Variants in FAM24B observed in about 807,000 individuals in gnomAD.
FAM24B encodes the protein protein FAM24B.
In FAM24B, 3 loss-of-function variants were observed where a neutral mutation model predicts 2.3. That is an observed-to-expected ratio of 1.29 (90% CI 0.59 to 3.32). The LOEUF is 3.32. Among genes scored for constraint, FAM24B ranks in the 30% most tolerant of loss-of-function variants. The pLI, the probability that FAM24B is intolerant of heterozygous loss-of-function variation, is 0.03. For synonymous variants in FAM24B, 36 were observed against 46.3 expected, an observed-to-expected ratio of 0.78 and a Z score of 0.90; for missense variants, 98 against 117.2, an observed-to-expected ratio of 0.84 and a Z score of 0.76.
chr10:122,857,150 A>G (rs539467352), intron 1 of FAM24B, among the ~76,000 whole-genome samples: 62 of 152,150 alleles, frequency 4.1e-4, no homozygotes, highest in Non-Finnish European at 4.4e-4. Flanking sequence ...CTGATGCTCC[A>G]CCCACCTTTA....
chr10:122,862,255 T>C (rs575574715), intron 1 of FAM24B, among the ~76,000 whole-genome samples: 2 of 152,218 alleles, frequency 1.3e-5, no homozygotes, highest in African/African-American at 4.8e-5. Flanking sequence ...CCTTGTTTAA[T>C]TAGATTCTAA....
intron 1 of FAM24B, among the ~76,000 whole-genome samples, chr10:122,871,837 G>T (rs1847903087): frequency 1.3e-5 from 2 of 152,044 alleles, no homozygotes; most frequent in South Asian, 4.1e-4. Context: ...AAAAACCCTA[G>T]AAGAAAACCT....
intron 2 of FAM24B, 64 bp from the exon 3 acceptor site, chr10:122,850,614 G>A: frequency 1.2e-6 from 1 of 807,062 alleles, no homozygotes; most frequent in Admixed American, 1.8e-5. Context: ...CAACCACTAA[G>A]CAATGCCAAT....
At chr10:122,849,493 T>C in intron 3 of FAM24B, 54 bp from the exon 4 acceptor site, 1 of 1,516,658 alleles carries the variant, frequency 6.6e-7, no homozygotes, top group Non-Finnish European at 8.9e-7. Context: ...TCTCAGCCCT[T>C]TTGTTAGAAC....
intron 1 of FAM24B, among the ~76,000 whole-genome samples, chr10:122,869,402 A>T (rs1183794652): frequency 6.6e-6 from 1 of 152,232 alleles, no homozygotes; most frequent in East Asian, 1.9e-4. Flanking sequence ...AAGGATATCC[A>T]GGAATTGAAC....
chr10:122,871,439 A>T (rs540863840), intron 1 of FAM24B, among the ~76,000 whole-genome samples: 216 of 151,682 alleles, frequency 1.4e-3, no homozygotes, highest in African/African-American at 4.3e-3. Flanking sequence ...AAAACTACTT[A>T]AAAGTTCATA....
At chr10:122,856,850 G>A (rs1226429160) in intron 1 of FAM24B, among the ~76,000 whole-genome samples, 1 of 152,120 alleles carries the variant, frequency 6.6e-6, no homozygotes, top group African/African-American at 2.4e-5. Flanking sequence ...GGTTACTGCT[G>A]CTTCCCTCAG....
intron 1 of FAM24B, among the ~76,000 whole-genome samples, chr10:122,867,863 A>C (rs570113544): frequency 1.4e-4 from 22 of 152,344 alleles, no homozygotes; most frequent in Middle Eastern, 3.4e-3. Context: ...GAAAAACCGG[A>C]AACTCTAAAA....
intron 1 of FAM24B, among the ~76,000 whole-genome samples, chr10:122,876,291 G>C (rs145234779): frequency 6.6e-6 from 1 of 152,266 alleles, no homozygotes; most frequent in African/African-American, 2.4e-5. Context: ...ACTAACAACG[G>C]GAAGGCTAGA....
intron 1 of FAM24B, among the ~76,000 whole-genome samples, chr10:122,873,067 C>T (rs527987079): frequency 1.3e-5 from 2 of 152,134 alleles, no homozygotes; most frequent in Non-Finnish European, 2.9e-5. Context: ...AGCAAGTTAT[C>T]TAGAAGCTGC....
At chr10:122,869,366 G>A (rs1199170790) in intron 1 of FAM24B, among the ~76,000 whole-genome samples, 3 of 152,004 alleles carry the variant, frequency 2.0e-5, no homozygotes, top group Non-Finnish European at 4.4e-5. Context: ...TCAACATTAG[G>A]CAGATCAACC....
At chr10:122,871,474 G>C (rs1032589945) in intron 1 of FAM24B, among the ~76,000 whole-genome samples, 1 of 151,468 alleles carries the variant, frequency 6.6e-6, no homozygotes, top group Non-Finnish European at 1.5e-5. Context: ...AGCCCGCATC[G>C]CCAAGTCAAT....
At chr10:122,849,984 C>CCAATT (rs1355870748) in intron 3 of FAM24B, among the ~76,000 whole-genome samples, 1 of 152,124 alleles carries the variant, frequency 6.6e-6, no homozygotes, top group East Asian at 1.9e-4. Context: ...CTGAGAGCTC[C>CCAATT]CAATTCAGGC....
At chr10:122,859,334 T>G (rs1292159133) in intron 1 of FAM24B, among the ~76,000 whole-genome samples, 1 of 152,210 alleles carries the variant, frequency 6.6e-6, no homozygotes, top group East Asian at 1.9e-4. Context: ...AAAGTTGTAT[T>G]CTGATGGAAG....
At position 122,862,710 on chromosome 10, in the gene FAM24B, C is replaced by G. The variant is rs142721038; in HGVS notation, c.-177-6924G>C. 7.7e-4 allele frequency among the ~76,000 whole-genome samples: 117 copies of G among 152,158 alleles called. 1 individual carries two copies. The East Asian group carries it at 0.02, about 26-fold the overall frequency. ...TCATTACAAACTGGGTTTTTTAACA[C>G]AAATGCAAATAATAATTCTTCTAAT... On this transcript the variant is annotated intron_variant, in intron 1 of 3. Coordinates refer to ENST00000368898, the MANE Select transcript of FAM24B (RefSeq NM_152644.3).
At chr10:122,859,830 C>T (rs1847699364) in intron 1 of FAM24B, among the ~76,000 whole-genome samples, 1 of 152,036 alleles carries the variant, frequency 6.6e-6, no homozygotes, top group Non-Finnish European at 1.5e-5. Context: ...TCCGAGATGC[C>T]CCATTGAGGC....
intron 1 of FAM24B, among the ~76,000 whole-genome samples, chr10:122,865,605 T>C (rs1014900001): frequency 1.3e-5 from 2 of 152,154 alleles, no homozygotes; most frequent in African/African-American, 4.8e-5. Flanking sequence ...TATTTTGCTT[T>C]GGTGTTAGGG....
intron 3 of FAM24B, 56 bp downstream of exon 3, chr10:122,850,368 C>T (rs912353819): frequency 5.0e-6 from 7 of 1,409,512 alleles, no homozygotes; most frequent in African/African-American, 2.8e-5. Context: ...AGTGCTATCC[C>T]CTTTTCCCCA....
intron 1 of FAM24B, among the ~76,000 whole-genome samples, chr10:122,869,254 C>A (rs912447928): frequency 6.6e-6 from 1 of 152,166 alleles, no homozygotes; most frequent in Non-Finnish European, 1.5e-5. Context: ...TATATATGCA[C>A]CCAGTACAGG....
Sources: gnomAD v4.1 joint callset for allele counts (sites outside exome capture counted in the v4.1 genomes callset) on GRCh38, gnomAD v4.1.1 for gene constraint, MANE v1.5 for transcripts, NCBI Gene and HGNC (gene_info 2026-07-23, HGNC 2026-07-21) for gene names.